The following DLG4 variants were observed in gnomAD, a reference collection of about 807,000 sequenced individuals.
DLG4 encodes discs large MAGUK scaffold protein 4, also known as disks large homolog 4.
Under a neutral mutation model 93.8 loss-of-function variants are expected in DLG4, and 7 were observed. The observed-to-expected ratio is 0.07, with a 90% CI of 0.04 to 0.14. The LOEUF (loss-of-function observed/expected upper bound fraction) is 0.14, where lower values mean the gene tolerates loss of function less well. Ranked by LOEUF, DLG4 falls within the 10% of genes least tolerant of loss-of-function variation. The pLI is 1.00. For missense variants in DLG4, 545 were observed against 992.9 expected (o/e 0.55, Z 6.06); for synonymous variants, 341 against 387.6 (o/e 0.88, Z 1.41).
At chr17:7,198,595 A>G (rs1346339743) in intron 8 of DLG4, among the ~76,000 whole-genome samples, 2 of 152,146 alleles carry the variant, frequency 1.3e-5, no homozygotes, top group South Asian at 2.1e-4. Context: ...CACGCCTGTA[A>G]TCCCAGCACT....
intron 8 of DLG4, 101 bp downstream of exon 8, chr17:7,202,802 G>T: frequency 7.0e-7 from 1 of 1,438,432 alleles, no homozygotes; most frequent in African/African-American, 1.4e-5. Flanking sequence ...ATTTCATAGG[G>T]AATATCTGAA....
Position 7,194,419 on chromosome 17 carries a change from G to A in DLG4, c.1378C>T (p.Leu460=). The A allele has an allele frequency of 6.2e-7, 1 of 1,612,720 alleles. No homozygotes were observed. ...QALSFRFGDV[L]HVIDASDEEW... ...TCATCACTAGCATCGATGACATGCA[G>A]CACATCCCCAAAGCGGAAGCTCAGG... is the stretch of plus-strand genomic sequence containing the variant. The change falls in exon 12 of 20, where the codon CTG becomes TTG. Residue 460 remains leucine (L), a synonymous_variant. Transcript: ENST00000399506. The surrounding 1 kb of genome is among the most constrained non-coding windows in gnomAD (Gnocchi z 4.4).
chr17:7,196,849 C>T lies in DLG4; in HGVS notation c.991G>A (p.Glu331Lys). The T allele has an allele frequency of 6.2e-7, 1 of 1,613,684 alleles. No homozygotes were observed. Among genetic ancestry groups the T allele is most frequent in the Non-Finnish European group, 8.5e-7 (1 of 1,179,806 alleles). ...TGLGFNIVGG[E>K]DGEGIFISFI... Reference sequence around the variant, plus strand: ...GAGATGAAGATGCCTTCACCGTCCTCGCCACCCACGATGTTGAAGCCCAGG... The same window carrying T: ...GAGATGAAGATGCCTTCACCGTCCTTGCCACCCACGATGTTGAAGCCCAGG... Residue 331 changes from glutamate to lysine, a missense_variant, in exon 9 of 20, where the codon GAG becomes AAG. By Grantham distance (56) the Glu-to-Lys change is moderately conservative. This residue lies in a region of DLG4 where 428 missense variants were observed against 741.4 expected (regional missense o/e 0.58). Transcript: ENST00000399506. This position sits in a 1 kb window ranked among gnomAD's most constrained non-coding sequence, Gnocchi z 8.3.
chr17:7,196,634 G>C lies in DLG4; in HGVS notation c.1084-59C>G, dbSNP rs1041263400. 34 of 1,602,934 alleles carry C rather than the reference G, an allele frequency of 2.1e-5. No individual in the cohort carries two copies. The Admixed American group carries it at 5.6e-4, about 26-fold the overall frequency. On this transcript the variant is annotated intron_variant, in intron 9 of 19. Transcript: ENST00000399506. The surrounding 1 kb of genome is among the most constrained non-coding windows in gnomAD (Gnocchi z 8.3). Reference sequence around the variant, plus strand: ...ACAGGAGGCAGCACTTCTGGGTCCAGGTGGAGCAGGGAGTGGTCCCGCAAG... The same window carrying C: ...ACAGGAGGCAGCACTTCTGGGTCCACGTGGAGCAGGGAGTGGTCCCGCAAG...
chr17:7,218,908 T>TC, upstream of DLG4: 2 of 1,585,346 alleles, frequency 1.3e-6, no homozygotes, highest in Non-Finnish European at 1.7e-6. Flanking sequence ...GAGCTGCTTC[T>TC]CCCCACTAAA....
upstream of DLG4, chr17:7,218,790 C>T (rs768606422): frequency 9.3e-6 from 15 of 1,612,716 alleles, no homozygotes; most frequent in Middle Eastern, 3.3e-4. Flanking sequence ...CCCCCCACTT[C>T]GCTCCCAGAC....
chr17:7,203,851 C>T lies in DLG4; in HGVS notation c.211-35G>A. On this transcript the variant is annotated intron_variant, in intron 4 of 19. Coordinates refer to ENST00000399506, the MANE Select transcript of DLG4 (RefSeq NM_001321075.3). The surrounding 1 kb of genome is among the most constrained non-coding windows in gnomAD (Gnocchi z 7.2). ...GGAGGGGAAGAGGGTCAGCTCCCCT[C>T]ACTGCCCAAGTCTGGCAAGGCAAGT... 6.2e-7 allele frequency: 1 copy of T among 1,611,014 alleles called. No individual in the cohort carries two copies. Among genetic ancestry groups the T allele is most frequent in the Non-Finnish European group, 8.5e-7 (1 of 1,178,644 alleles).
At chr17:7,218,481 C>T, upstream of DLG4, 1 of 1,506,350 alleles carries the variant, frequency 6.6e-7, no homozygotes, top group Non-Finnish European at 9.0e-7. Context: ...TCCCAAACAG[C>T]CCCCGAAGTT....
Position 7,194,344 on chromosome 17 carries a change from T to C in DLG4, c.1453A>G (p.Ile485Val), listed in dbSNP as rs369872199. The change falls in exon 12 of 20, where the codon ATT (isoleucine) becomes GTT (valine). Residue 485 changes from isoleucine to valine, a missense_variant. Ile to Val is a conservative substitution (Grantham distance 29, BLOSUM62 3). Around this residue, in one of 5 missense-constraint regions of DLG4, gnomAD observed 428 missense variants for 741.4 expected, o/e 0.58. Transcript: ENST00000399506. The surrounding 1 kb of genome is among the most constrained non-coding windows in gnomAD (Gnocchi z 4.4). ...CGCCGTTTGCTGGGGATGAACCCAATGTCGTCGGTCTCACTGTCAGAGTGG... is the reference window on the plus strand; with the variant it reads ...CGCCGTTTGCTGGGGATGAACCCAACGTCGTCGGTCTCACTGTCAGAGTGG... ...RVHSDSETDD[I>V]GFIPSKRRVE... 29 of 1,607,596 alleles carry C rather than the reference T, an allele frequency of 1.8e-5. No homozygotes were observed. The South Asian group carries it at 2.0e-4, about 11-fold the overall frequency.
chr17:7,192,337 G>A (rs2069546139), intron 17 of DLG4: 1 of 322,800 alleles, frequency 3.1e-6, no homozygotes, highest in Admixed American at 4.7e-5. Flanking sequence ...GCAAGGCAGA[G>A]GTGACACAGG....
chr17:7,204,942 C>A, intron 2 of DLG4: 1 of 985,442 alleles, frequency 1.0e-6, no homozygotes, highest in South Asian at 4.7e-5. Context: ...CCGGGGAGAC[C>A]CACCTCCAGG....
At position 7,187,754 on chromosome 17, in the gene DLG4, A is replaced by G. The variant is rs1030247368; in HGVS notation, c.*2954T>C. ...AAGCCATCTGCTATTACACAGAACC[A>G]AGCTAAGAGAAGGATTATTTGAAAA... On this transcript the variant is annotated 3_prime_UTR_variant, in exon 20 of 20. Coordinates refer to ENST00000399506, the MANE Select transcript of DLG4 (RefSeq NM_001321075.3). Among the ~76,000 whole-genome samples the G allele has an allele frequency of 1.3e-5, 2 of 151,670 alleles. No individual in the cohort carries two copies. Among genetic ancestry groups the G allele is most frequent in the Non-Finnish European group, 2.9e-5 (2 of 67,946 alleles).
At chr17:7,210,347 G>A (rs1417035273) in intron 1 of DLG4, among the ~76,000 whole-genome samples, 2 of 152,166 alleles carry the variant, frequency 1.3e-5, no homozygotes, top group African/African-American at 4.8e-5. Context: ...GAAGCACCCT[G>A]ATACATTTAA....
At chr17:7,199,444 G>A (rs1432710239) in intron 8 of DLG4, among the ~76,000 whole-genome samples, 5 of 151,840 alleles carry the variant, frequency 3.3e-5, no homozygotes, top group South Asian at 4.2e-4. Flanking sequence ...CAGGTGATCC[G>A]CCTGCCTCAA....
intron 8 of DLG4, among the ~76,000 whole-genome samples, chr17:7,200,542 C>CTTT (rs34670319): frequency 8.1e-5 from 12 of 147,394 alleles, no homozygotes; most frequent in African/African-American, 3.0e-4. Flanking sequence ...AGCCACATTC[C>CTTT]TTTTTTTTTT....
Position 7,193,741 on chromosome 17 carries a change from G to A in DLG4, c.1544-27C>T, listed in dbSNP as rs1392409743. The stretch of plus-strand genomic sequence containing the variant: ...TGGTGGGAGGTGGGGCATCTGCAAG[G>A]GGCTCTGAAACAGGGGACCTGGAGC... On this transcript the variant is annotated intron_variant, in intron 14 of 19. Transcript: ENST00000399506. The surrounding 1 kb of genome is among the most constrained non-coding windows in gnomAD (Gnocchi z 6.7). The A allele has an allele frequency of 6.2e-7, 1 of 1,604,418 alleles. No homozygotes were observed. Among genetic ancestry groups the A allele is most frequent in the South Asian group, 1.1e-5 (1 of 89,912 alleles).
Position 7,194,203 on chromosome 17 carries a change from A to T in DLG4, c.1478+116T>A. ...GCCACGGACCCCAGGAGGGCCCAACAGACAAACCCCTAGGAGTTCAGAGGG... is the reference window on the plus strand; with the variant it reads ...GCCACGGACCCCAGGAGGGCCCAACTGACAAACCCCTAGGAGTTCAGAGGG... On this transcript the variant is annotated intron_variant, in intron 12 of 19. Transcript: ENST00000399506. This position sits in a 1 kb window ranked among gnomAD's most constrained non-coding sequence, Gnocchi z 4.4. 7.1e-7 allele frequency: 1 copy of T among 1,418,144 alleles called. No individual in the cohort carries two copies. Among genetic ancestry groups the T allele is most frequent in the Non-Finnish European group, 9.5e-7 (1 of 1,056,436 alleles). The allele number at this position is 1,418,144 out of a possible 1,614,324, so 87.8% of individuals were successfully genotyped here.
upstream of DLG4, chr17:7,220,040 G>T (rs144036152): frequency 1.9e-6 from 3 of 1,604,082 alleles, no homozygotes; most frequent in East Asian, 2.2e-5. Flanking sequence ...AGGCTCGGGG[G>T]CGGAAGGTCT....
intron 8 of DLG4, among the ~76,000 whole-genome samples, chr17:7,199,935 G>T (rs1027318527): frequency 6.7e-6 from 1 of 149,632 alleles, no homozygotes; most frequent in African/African-American, 2.5e-5. Flanking sequence ...AGCCAAGATC[G>T]TGCCACTGCA....
Sources: gnomAD v4.1 joint callset for allele counts (sites outside exome capture counted in the v4.1 genomes callset) on GRCh38, gnomAD v4.1.1 for gene constraint, gnomAD v4.1.1 regional missense constraint, Gnocchi (gnomAD v3.1) non-coding constraint, MANE v1.5 for transcripts, NCBI Gene and HGNC (gene_info 2026-07-23, HGNC 2026-07-21) for gene names.